Variants in PTPRD observed in about 807,000 individuals in gnomAD.
The protein encoded by PTPRD is protein tyrosine phosphatase receptor type D.
In PTPRD, 34 loss-of-function variants were observed where a neutral mutation model predicts 214.5. That is an observed-to-expected ratio of 0.16 (90% CI 0.12 to 0.21). The LOEUF (loss-of-function observed/expected upper bound fraction) is 0.21, where lower values mean the gene tolerates loss of function less well. Among genes scored for constraint, PTPRD ranks in the 10% least tolerant of loss-of-function variants. PTPRD has a pLI of 1.00. For synonymous variants in PTPRD, 1,128 were observed against 845.7 expected, an observed-to-expected ratio of 1.33 and a Z score of -5.79; for missense variants, 2,545 against 2,398.7, an observed-to-expected ratio of 1.06 and a Z score of -1.27.
At chr9:9,580,400 A>G (rs1163652175) in intron 7 of PTPRD, among the ~76,000 whole-genome samples, 3 of 151,842 alleles carry the variant, frequency 2.0e-5, no homozygotes, top group Non-Finnish European at 4.4e-5. Flanking sequence ...AGCCATTCTG[A>G]TTGATGTAAG....
At chr9:8,590,668 A>C (rs1333870102) in intron 14 of PTPRD, among the ~76,000 whole-genome samples, 1 of 152,196 alleles carries the variant, frequency 6.6e-6, no homozygotes, top group Admixed American at 6.5e-5. Flanking sequence ...GGAATTCTTA[A>C]AATGTTTCTT....
chr9:9,671,039 A>C (rs1474393905), intron 7 of PTPRD, among the ~76,000 whole-genome samples: 3 of 152,106 alleles, frequency 2.0e-5, no homozygotes, highest in Non-Finnish European at 4.4e-5. Context: ...AACAGCTTGC[A>C]CCATTCACCT....
At chr9:8,830,015 G>C (rs2097256510) in intron 11 of PTPRD, among the ~76,000 whole-genome samples, 1 of 152,062 alleles carries the variant, frequency 6.6e-6, no homozygotes. Context: ...AACAAAATTT[G>C]AAGATTAAAT....
chr9:10,549,633 T>A (rs2060882946), intron 2 of PTPRD, among the ~76,000 whole-genome samples: 2 of 152,104 alleles, frequency 1.3e-5, no homozygotes, highest in African/African-American at 4.8e-5. Context: ...TATCCGTCAG[T>A]GTATATCCAC....
chr9:9,349,069 C>A (rs1012331462), intron 9 of PTPRD, among the ~76,000 whole-genome samples: 1 of 151,782 alleles, frequency 6.6e-6, no homozygotes, highest in Non-Finnish European at 1.5e-5. Flanking sequence ...TATCATAGTG[C>A]CATTGTGAAG....
chr9:10,285,532 G>C (rs895587718), intron 3 of PTPRD, among the ~76,000 whole-genome samples: 1 of 151,478 alleles, frequency 6.6e-6, no homozygotes, highest in South Asian at 2.1e-4. Context: ...AAGGCTGCTT[G>C]GGTTGAACCC....
chr9:10,222,848 C>T (rs1232080626), intron 3 of PTPRD, among the ~76,000 whole-genome samples: 1 of 151,856 alleles, frequency 6.6e-6, no homozygotes, highest in African/African-American at 2.4e-5. Flanking sequence ...TTACTCCATC[C>T]CACTAGATTC....
intron 11 of PTPRD, chr9:8,862,137 A>C (rs1478416959): frequency 1.3e-5 from 2 of 152,250 alleles, no homozygotes; most frequent in Non-Finnish European, 2.9e-5. Flanking sequence ...CAGGCAGATC[A>C]CTTGAGGTCA....
chr9:9,710,788 C>A (rs183561493), intron 7 of PTPRD, among the ~76,000 whole-genome samples: 280 of 150,668 alleles, frequency 1.9e-3, no homozygotes, highest in African/African-American at 6.7e-3. Flanking sequence ...ACCTGTTGGA[C>A]ACACACACAC....
intron 8 of PTPRD, among the ~76,000 whole-genome samples, chr9:9,565,715 C>A (rs1255468996): frequency 6.6e-6 from 1 of 151,768 alleles, no homozygotes; most frequent in Admixed American, 6.6e-5. Context: ...GAAACTGTTA[C>A]ATTATTATTC....
chr9:9,134,867 T>G (rs1374614983), intron 10 of PTPRD, among the ~76,000 whole-genome samples: 1 of 152,062 alleles, frequency 6.6e-6, no homozygotes, highest in African/African-American at 2.4e-5. Context: ...GCCGGGTACA[T>G]TGAAGGTGTT....
intron 23 of PTPRD, among the ~76,000 whole-genome samples, chr9:8,502,927 T>C (rs568939100): frequency 2.0e-5 from 3 of 151,930 alleles, no homozygotes; most frequent in African/African-American, 2.4e-5. Flanking sequence ...TATTGAAGCA[T>C]GTAACATTTC....
chr9:8,748,164 C>T (rs1275286701), intron 11 of PTPRD, among the ~76,000 whole-genome samples: 2 of 152,154 alleles, frequency 1.3e-5, no homozygotes, highest in Non-Finnish European at 1.5e-5. Context: ...ACCTCCCCAA[C>T]AGCACTTGGG....
At chr9:9,317,002 C>G (rs1027714871) in intron 9 of PTPRD, among the ~76,000 whole-genome samples, 7 of 152,172 alleles carry the variant, frequency 4.6e-5, no homozygotes, top group African/African-American at 1.4e-4. Context: ...TGGCCCTTCT[C>G]TCCTTCAAGG....
intron 3 of PTPRD, among the ~76,000 whole-genome samples, chr9:10,060,350 T>A (rs1198102054): frequency 2.0e-5 from 3 of 152,076 alleles, no homozygotes; most frequent in African/African-American, 7.2e-5. Flanking sequence ...TTCACTCAGA[T>A]ACATTGTCCC....
intron 10 of PTPRD, among the ~76,000 whole-genome samples, chr9:9,157,553 C>A (rs1296021082): frequency 6.6e-6 from 1 of 152,022 alleles, no homozygotes; most frequent in Non-Finnish European, 1.5e-5. Context: ...TATAACCTAC[C>A]AAGATTGAAT....
chr9:10,344,624 T>C (rs752746671), intron 2 of PTPRD, among the ~76,000 whole-genome samples: 21 of 152,202 alleles, frequency 1.4e-4, no homozygotes, highest in Non-Finnish European at 2.4e-4. Flanking sequence ...CCTTGGGTAG[T>C]ATGGCCATTT....
At chr9:8,896,296 G>C (rs7861793) in intron 11 of PTPRD, among the ~76,000 whole-genome samples, 9,632 of 152,190 alleles carry the variant, frequency 0.063, 1,017 homozygotes, top group African/African-American at 0.22. Context: ...TTCAGAATTG[G>C]TTATGGACAT....
intron 3 of PTPRD, among the ~76,000 whole-genome samples, chr9:10,059,785 A>G (rs1002705883): frequency 1.4e-5 from 1 of 71,174 alleles, no homozygotes; most frequent in African/African-American, 8.2e-5. Flanking sequence ...TTAAGAAATT[A>G]AAAAAAAAAC....
Sources: gnomAD v4.1 joint callset for allele counts (sites outside exome capture counted in the v4.1 genomes callset) on GRCh38, gnomAD v4.1.1 for gene constraint, MANE v1.5 for transcripts, NCBI Gene and HGNC (gene_info 2026-07-23, HGNC 2026-07-21) for gene names.